The following FBXL17 variants were observed in gnomAD, a reference collection of about 807,000 sequenced individuals.
FBXL17 encodes F-box and leucine rich repeat protein 17.
A neutral mutation model predicts 66.2 loss-of-function variants in FBXL17; 22 were observed. That is an observed-to-expected ratio of 0.33 (90% CI 0.24 to 0.47). FBXL17 has a LOEUF of 0.47. Among genes scored for constraint, FBXL17 ranks in the 20% least tolerant of loss-of-function variants. FBXL17 has a pLI of 1.00. For missense variants in FBXL17, 878 were observed against 948.2 expected (o/e 0.93, Z 0.97); for synonymous variants, 474 against 400.5 (o/e 1.18, Z -2.19).
intron 6 of FBXL17, among the ~76,000 whole-genome samples, chr5:108,045,255 CA>C (rs1365498158): frequency 6.6e-6 from 1 of 152,086 alleles, no homozygotes; most frequent in Non-Finnish European, 1.5e-5. Context: ...GCCTGGCCAG[CA>C]TGGTGAAGCC....
chr5:108,278,203 C>G (rs1410173883), intron 4 of FBXL17, among the ~76,000 whole-genome samples: 2 of 152,148 alleles, frequency 1.3e-5, no homozygotes, highest in Admixed American at 1.3e-4. Context: ...CCCTGACCCT[C>G]CAACCCCCAA....
chr5:108,125,621 C>T (rs1213215338), intron 6 of FBXL17, among the ~76,000 whole-genome samples: 2 of 151,924 alleles, frequency 1.3e-5, no homozygotes, highest in African/African-American at 2.4e-5. Context: ...TGTTTTAGAT[C>T]TTTGAAAAAT....
chr5:108,259,133 G>C (rs1430785786), intron 4 of FBXL17, among the ~76,000 whole-genome samples: 1 of 152,090 alleles, frequency 6.6e-6, no homozygotes, highest in African/African-American at 2.4e-5. Context: ...TTGAAGAAAA[G>C]ACAGCACAAA....
At chr5:108,228,060 A>G (rs939410277) in intron 4 of FBXL17, among the ~76,000 whole-genome samples, 3 of 152,166 alleles carry the variant, frequency 2.0e-5, no homozygotes, top group African/African-American at 7.2e-5. Flanking sequence ...GAGCATTCAG[A>G]GAGAAAAAGT....
intron 4 of FBXL17, among the ~76,000 whole-genome samples, chr5:108,243,935 C>A (rs895029346): frequency 6.6e-6 from 1 of 152,124 alleles, no homozygotes; most frequent in East Asian, 1.9e-4. Context: ...GAGCTCTGAG[C>A]AGTGGCAGAG....
chr5:108,277,398 C>A (rs1757525960), intron 4 of FBXL17, among the ~76,000 whole-genome samples: 1 of 152,138 alleles, frequency 6.6e-6, no homozygotes, highest in African/African-American at 2.4e-5. Flanking sequence ...AAAAATGTAA[C>A]CTCCATGCAT....
At position 107,980,645 on chromosome 5, in the gene FBXL17, A is replaced by ATATATAT. The variant is rs1554054251; in HGVS notation, c.1822+40279_1822+40280insATATATA. On this transcript the variant is annotated intron_variant, in intron 7 of 8. Transcript: ENST00000542267. ...AGCCACCATGACTGGCCAATAAAAT[A>ATATATAT]ATATATATATATATATATATTTTTT... 1.5e-4 allele frequency among the ~76,000 whole-genome samples: 12 copies of ATATATAT among 79,244 alleles called. 1 individual carries two copies. Among genetic ancestry groups the ATATATAT allele is most frequent in the African/African-American group, 7.5e-4 (10 of 13,392 alleles). The allele number at this position is 79,244 out of a possible 152,430, so 52.0% of individuals were successfully genotyped here.
rs114132074 is a variant in FBXL17 at position 108,069,862 on chromosome 5, C to T, written c.1746-48861G>A. 7.2e-4 allele frequency among the ~76,000 whole-genome samples: 110 copies of T among 152,142 alleles called. 1 individual carries two copies. The highest frequency in any genetic ancestry group is 2.1e-3 in the African/African-American group (89 of 41,516). On this transcript the variant is annotated intron_variant, in intron 6 of 8. Transcript: ENST00000542267. Reference sequence around the variant, plus strand: ...AGTGCTGATAACGGATTTTTTTTCACTTTATATTCCAGACTACTAGCTGTA... The same window carrying T: ...AGTGCTGATAACGGATTTTTTTTCATTTTATATTCCAGACTACTAGCTGTA...
chr5:108,068,758 A>G (rs1748217195), intron 6 of FBXL17, among the ~76,000 whole-genome samples: 1 of 152,140 alleles, frequency 6.6e-6, no homozygotes, highest in Non-Finnish European at 1.5e-5. Flanking sequence ...CGCCCGGCCA[A>G]TACTCCTAAT....
At chr5:108,132,757 C>G (rs1561426200) in intron 6 of FBXL17, among the ~76,000 whole-genome samples, 2 of 152,034 alleles carry the variant, frequency 1.3e-5, no homozygotes, top group Non-Finnish European at 2.9e-5. Flanking sequence ...ATGGTCTTAC[C>G]ATACAAAGAA....
chr5:108,370,013 T>C (rs553303062), intron 1 of FBXL17, among the ~76,000 whole-genome samples: 1 of 152,110 alleles, frequency 6.6e-6, no homozygotes, highest in Non-Finnish European at 1.5e-5. Context: ...AGGACACCAA[T>C]GCACCACAGG....
At chr5:108,160,264 G>T (rs995895612) in intron 6 of FBXL17, among the ~76,000 whole-genome samples, 2 of 152,148 alleles carry the variant, frequency 1.3e-5, no homozygotes, top group African/African-American at 2.4e-5. Flanking sequence ...ATAATACCAC[G>T]ATTAGATTTA....
At chr5:108,131,454 A>G (rs1292105768) in intron 6 of FBXL17, among the ~76,000 whole-genome samples, 1 of 152,194 alleles carries the variant, frequency 6.6e-6, no homozygotes, top group East Asian at 1.9e-4. Flanking sequence ...TGCTTCTATG[A>G]AAAGATAACT....
chr5:107,943,479 T>C (rs1298270077), intron 7 of FBXL17, among the ~76,000 whole-genome samples: 3 of 151,988 alleles, frequency 2.0e-5, no homozygotes, highest in African/African-American at 2.4e-5. Context: ...AAATTTCTTT[T>C]GCAACATTTT....
At chr5:108,266,500 G>A (rs551014339) in intron 4 of FBXL17, among the ~76,000 whole-genome samples, 44 of 152,160 alleles carry the variant, frequency 2.9e-4, no homozygotes, top group African/African-American at 1.0e-3. Context: ...AACTGTCAGG[G>A]TATTGCAGTG....
chr5:108,152,858 G>A (rs1751824356), intron 6 of FBXL17, among the ~76,000 whole-genome samples: 1 of 152,074 alleles, frequency 6.6e-6, no homozygotes, highest in South Asian at 2.1e-4. Context: ...GATTTAACTG[G>A]GCATCTTATA....
intron 4 of FBXL17, among the ~76,000 whole-genome samples, chr5:108,225,058 C>T (rs367835782): frequency 3.9e-5 from 6 of 152,180 alleles, no homozygotes; most frequent in African/African-American, 9.7e-5. Context: ...TCACCACCCC[C>T]CAAAGACCCC....
intron 7 of FBXL17, among the ~76,000 whole-genome samples, chr5:107,938,880 T>C (rs1212680978): frequency 6.6e-6 from 1 of 152,276 alleles, no homozygotes; most frequent in East Asian, 1.9e-4. Context: ...AGGAAAACAA[T>C]TATTTTAAAA....
At chr5:107,933,182 G>T (rs1370873529) in intron 7 of FBXL17, among the ~76,000 whole-genome samples, 4 of 152,146 alleles carry the variant, frequency 2.6e-5, no homozygotes, top group African/African-American at 9.7e-5. Context: ...GTAAATGGTT[G>T]ATTGATATCA....
Sources: gnomAD v4.1 joint callset for allele counts (sites outside exome capture counted in the v4.1 genomes callset) on GRCh38, gnomAD v4.1.1 for gene constraint, MANE v1.5 for transcripts, NCBI Gene and HGNC (gene_info 2026-07-23, HGNC 2026-07-21) for gene names.